Variants in MTRF1 observed in about 807,000 individuals in gnomAD.
The protein encoded by MTRF1 is peptide chain release factor 1, mitochondrial.
In MTRF1, 51 loss-of-function variants were observed where a neutral mutation model predicts 62.9. That is an observed-to-expected ratio of 0.81 (90% CI 0.65 to 1.02). MTRF1 has a LOEUF of 1.02. Among genes scored for constraint, MTRF1 ranks in the 50% least tolerant of loss-of-function variants. The pLI is 0.00. For missense variants in MTRF1, 446 were observed against 530.0 expected (o/e 0.84, Z 1.56); for synonymous variants, 158 against 181.9 (o/e 0.87, Z 1.06).
At chr13:41,247,550 C>T (rs765538996) in intron 5 of MTRF1, among the ~76,000 whole-genome samples, 3 of 152,122 alleles carry the variant, frequency 2.0e-5, no homozygotes, top group African/African-American at 7.2e-5. Context: ...TCTGTACAGG[C>T]GAAATAGGAG....
At chr13:41,281,448 C>G in the MTRF1 span, among the ~76,000 whole-genome samples, 7 of 152,122 alleles carry the variant, frequency 4.6e-5, no homozygotes, top group African/African-American at 1.7e-4. Flanking sequence ...GGTCCAGAGT[C>G]AATGTCTATT....
intron 6 of MTRF1, among the ~76,000 whole-genome samples, chr13:41,239,680 G>A (rs1379444235): frequency 6.6e-6 from 1 of 152,046 alleles, no homozygotes; most frequent in East Asian, 1.9e-4. Context: ...ATTATCTCTG[G>A]AATTCATTTT....
chr13:41,290,539 C>A, the MTRF1 span, among the ~76,000 whole-genome samples: 1 of 150,724 alleles, frequency 6.6e-6, no homozygotes, highest in Non-Finnish European at 1.5e-5. Flanking sequence ...GGACTACAGG[C>A]CTATGCCCCA....
the MTRF1 span, among the ~76,000 whole-genome samples, chr13:41,269,185 GTTTTTTTTTTTTGGT>G: frequency 1.0e-5 from 1 of 96,464 alleles, no homozygotes; most frequent in African/African-American, 4.1e-5. Context: ...CTTTTACCTT[GTTTTTTTTTTTTGGT>G]TTTTTTTTTT....
At chr13:41,268,694 G>A in the MTRF1 span, among the ~76,000 whole-genome samples, 189 of 152,218 alleles carry the variant, frequency 1.2e-3, 1 homozygote, top group African/African-American at 4.3e-3. Flanking sequence ...CCTATTTCAC[G>A]TCCTTTAAAA....
At chr13:41,243,404 CAAAAA>C (rs371273057) in intron 5 of MTRF1, among the ~76,000 whole-genome samples, 5 of 76,522 alleles carry the variant, frequency 6.5e-5, no homozygotes, top group Admixed American at 4.8e-4. Context: ...GACCCTGTCT[CAAAAA>C]AAAAAAAAAA....
the MTRF1 span, among the ~76,000 whole-genome samples, chr13:41,276,796 T>C: frequency 3.9e-5 from 6 of 152,292 alleles, no homozygotes; most frequent in East Asian, 1.2e-3. Context: ...ACATAAATGA[T>C]TGCCAGCCAT....
the MTRF1 span, among the ~76,000 whole-genome samples, chr13:41,276,408 G>A: frequency 3.9e-5 from 6 of 152,102 alleles, no homozygotes; most frequent in Admixed American, 6.5e-5. Flanking sequence ...CTGACCTCAA[G>A]TGATCCGCCT....
At chr13:41,289,680 G>A in the MTRF1 span, among the ~76,000 whole-genome samples, 1 of 152,130 alleles carries the variant, frequency 6.6e-6, no homozygotes, top group South Asian at 2.1e-4. Flanking sequence ...TCTGATCCAC[G>A]ACAGCTTTCT....
At chr13:41,252,879 T>C (rs2039249699) in intron 4 of MTRF1, 70 bp downstream of exon 4, 1 of 1,367,094 alleles carries the variant, frequency 7.3e-7, no homozygotes, top group African/African-American at 1.5e-5. Context: ...CTTTTAAAGT[T>C]AGTGTTATCA....
At chr13:41,263,960 T>A (rs1003738555), upstream of MTRF1, among the ~76,000 whole-genome samples, 65 of 152,366 alleles carry the variant, frequency 4.3e-4, no homozygotes, top group Non-Finnish European at 1.3e-4. Flanking sequence ...TTTTCACCGT[T>A]AACTGCAAAC....
At chr13:41,308,928 A>G in the MTRF1 span, among the ~76,000 whole-genome samples, 1 of 152,104 alleles carries the variant, frequency 6.6e-6, no homozygotes, top group South Asian at 2.1e-4. Context: ...ATTTGTGTCC[A>G]TGGGTACTCA....
chr13:41,281,932 C>G, the MTRF1 span, among the ~76,000 whole-genome samples: 2 of 151,936 alleles, frequency 1.3e-5, no homozygotes, highest in African/African-American at 2.4e-5. Flanking sequence ...GTCAGGAGAT[C>G]GAGACCATCC....
upstream of MTRF1, among the ~76,000 whole-genome samples, chr13:41,267,544 A>C (rs1236318652): frequency 6.6e-6 from 1 of 152,122 alleles, no homozygotes; most frequent in East Asian, 1.9e-4. Flanking sequence ...GTCATTTTTA[A>C]AAGGAAAAAT....
chr13:41,298,059 A>C, the MTRF1 span, among the ~76,000 whole-genome samples: 4 of 152,190 alleles, frequency 2.6e-5, no homozygotes, highest in Non-Finnish European at 5.9e-5. Context: ...TGTGAATATT[A>C]TATAATCTAC....
intron 6 of MTRF1, 91 bp downstream of exon 6, chr13:41,240,170 A>T (rs2037285932): frequency 1.4e-6 from 2 of 1,381,846 alleles, no homozygotes; most frequent in African/African-American, 2.9e-5. Context: ...CTCAAAAAAA[A>T]AAAAAAGGAC....
the MTRF1 span, among the ~76,000 whole-genome samples, chr13:41,289,612 C>T: frequency 6.6e-6 from 1 of 152,182 alleles, no homozygotes; most frequent in Non-Finnish European, 1.5e-5. Context: ...AAGCACTTCT[C>T]AAAGTCAAAC....
At chr13:41,233,408 G>A (rs1008135984) in intron 7 of MTRF1, among the ~76,000 whole-genome samples, 2 of 152,110 alleles carry the variant, frequency 1.3e-5, no homozygotes, top group Admixed American at 1.3e-4. Context: ...AAAAATTAAG[G>A]AGTTAAATAA....
At chr13:41,247,201 T>C (rs1166379026) in intron 5 of MTRF1, among the ~76,000 whole-genome samples, 1 of 152,250 alleles carries the variant, frequency 6.6e-6, no homozygotes, top group Non-Finnish European at 1.5e-5. Flanking sequence ...ACTATGCCAT[T>C]GGCTTTCCTG....
Sources: allele counts gnomAD v4.1 joint callset (sites outside exome capture counted in the v4.1 genomes callset), GRCh38; gene constraint gnomAD v4.1.1; transcripts MANE v1.5; gene names NCBI Gene and HGNC (gene_info 2026-07-23, HGNC 2026-07-21).